Variants in JHY observed in about 807,000 individuals in gnomAD.
JHY encodes the protein junctional cadherin complex regulator.
Under a neutral mutation model 78.0 loss-of-function variants are expected in JHY, and 69 were observed. The ratio of observed to expected loss-of-function variants is 0.88; its 90% confidence interval spans 0.73 to 1.08. The LOEUF is 1.08. Among genes scored for constraint, JHY ranks in the 50% least tolerant of loss-of-function variants. JHY has a pLI of 0.00. For synonymous variants in JHY, 368 were observed against 342.6 expected, an observed-to-expected ratio of 1.07 and a Z score of -0.82; for missense variants, 944 against 927.8, an observed-to-expected ratio of 1.02 and a Z score of -0.23.
intron 2 of JHY, among the ~76,000 whole-genome samples, chr11:122,893,578 C>T (rs572297737): frequency 9.2e-5 from 14 of 152,218 alleles, no homozygotes; most frequent in African/African-American, 2.4e-4. Context: ...TGACCTACAA[C>T]GCTGTGAGTT....
intron 6 of JHY, among the ~76,000 whole-genome samples, 182 bp from the exon 7 acceptor site, chr11:122,956,314 A>G (rs1049131226): frequency 6.6e-6 from 1 of 152,198 alleles, no homozygotes; most frequent in Non-Finnish European, 1.5e-5. Context: ...CAAAGAGACT[A>G]TTACCAATAA....
chr11:122,887,065 G>A (rs1162532767), intron 2 of JHY, among the ~76,000 whole-genome samples: 1 of 152,214 alleles, frequency 6.6e-6, no homozygotes, highest in African/African-American at 2.4e-5. Flanking sequence ...GAAGGTAAAA[G>A]CTATTGATTA....
rs1863722359 is a variant in JHY, at chr11:122,934,958, T to G, written c.1517T>G (p.Leu506Arg). 2 of 1,613,994 alleles carry G rather than the reference T, an allele frequency of 1.2e-6. No homozygotes were observed. The highest frequency in any genetic ancestry group is 1.7e-5 in the Admixed American group (1 of 60,000). ...GAACTTTCTAAGAGACACGTGCTCC[T>G]GAGCCAGAAAGGCTCTCAGTTTGTT... The part of the protein sequence containing the change: ...LNELSKRHVL[L>R]SQKGSQFVYH... Residue 506 changes from leucine to arginine, a missense_variant, in exon 5 of 9, where the codon CTG becomes CGG. Coordinates refer to ENST00000227349, the MANE Select transcript of JHY (RefSeq NM_024806.4).
At position 122,940,828 on chromosome 11, in the gene JHY, C is replaced by T. The variant is rs574129226; in HGVS notation, c.1635-5670C>T. ...CTTTTCCTCTTCCTTTTTCTCCTTC[C>T]TTCCTTCCTTCCTTCCTTCTTTATC... On this transcript the variant is annotated intron_variant, in intron 5 of 8. Coordinates refer to ENST00000227349, the MANE Select transcript of JHY (RefSeq NM_024806.4). Among the ~76,000 whole-genome samples, 424 of 150,386 alleles carry T rather than the reference C, an allele frequency of 2.8e-3. 1 individual carries two copies. Among genetic ancestry groups the T allele is most frequent in the African/African-American group, 9.8e-3 (402 of 40,844 alleles).
intron 2 of JHY, among the ~76,000 whole-genome samples, chr11:122,901,584 T>A (rs11218883): frequency 6.3e-5 from 8 of 126,280 alleles, no homozygotes; most frequent in Non-Finnish European, 9.3e-5. Context: ...TATTAAAAAA[T>A]TTTTTTTGGC....
rs775206867 is a variant in JHY, at chr11:122,904,420, A to G, written c.840A>G (p.Lys280=). ...CTTATCTTCAACTTCACAATAAAAAAAGAGGGGAATCTCATCCAGAACAGG... is the reference window on the plus strand; with the variant it reads ...CTTATCTTCAACTTCACAATAAAAAGAGAGGGGAATCTCATCCAGAACAGG... The part of the protein sequence containing the change: ...TDSYLQLHNK[K]RGESHPEQIS... The change falls in exon 3 of 9, where the codon AAA becomes AAG. Residue 280 remains lysine (K), a synonymous_variant. Coordinates refer to ENST00000227349, the MANE Select transcript of JHY (RefSeq NM_024806.4). The G allele has an allele frequency of 2.5e-6, 4 of 1,613,420 alleles. No individual in the cohort carries two copies. The highest frequency in any genetic ancestry group is 3.3e-5 in the Admixed American group (2 of 59,940).
intron 5 of JHY, among the ~76,000 whole-genome samples, chr11:122,945,271 T>C (rs1255279014): frequency 6.6e-6 from 1 of 152,244 alleles, no homozygotes; most frequent in Non-Finnish European, 1.5e-5. Context: ...TGCTCTTTAA[T>C]GTATCCACTG....
At chr11:122,938,123 A>G (rs561727179) in intron 5 of JHY, among the ~76,000 whole-genome samples, 9 of 151,938 alleles carry the variant, frequency 5.9e-5, no homozygotes, top group Middle Eastern at 3.4e-3. Context: ...GTCTGTTTTC[A>G]TAGATTGAGC....
At chr11:122,889,576 T>C (rs2135282216) in intron 2 of JHY, among the ~76,000 whole-genome samples, 1 of 152,302 alleles carries the variant, frequency 6.6e-6, no homozygotes, top group East Asian at 1.9e-4. Context: ...TAAAAGGGAC[T>C]TTCCCATCCC....
At chr11:122,902,876 A>T (rs1407113974) in intron 2 of JHY, among the ~76,000 whole-genome samples, 1 of 152,242 alleles carries the variant, frequency 6.6e-6, no homozygotes, top group Non-Finnish European at 1.5e-5. Context: ...ACAGTTCGAC[A>T]TGAGATTTGG....
chr11:122,928,698 G>A (rs1263837422), intron 4 of JHY, among the ~76,000 whole-genome samples: 1 of 152,166 alleles, frequency 6.6e-6, no homozygotes, highest in Non-Finnish European at 1.5e-5. Flanking sequence ...GCCCAGGCTG[G>A]AGTGCAGTGG....
At chr11:122,949,787 C>T (rs142036627) in intron 6 of JHY, among the ~76,000 whole-genome samples, 118 of 152,056 alleles carry the variant, frequency 7.8e-4, no homozygotes, top group African/African-American at 2.5e-3. Context: ...GGAGAATCCC[C>T]GGTTCCACTG....
At chr11:122,950,668 C>T (rs1360127320) in intron 6 of JHY, among the ~76,000 whole-genome samples, 1 of 152,204 alleles carries the variant, frequency 6.6e-6, no homozygotes, top group African/African-American at 2.4e-5. Flanking sequence ...ATTAAAACTA[C>T]AGCTTAGTCC....
At chr11:122,895,587 A>G (rs1212424800) in intron 2 of JHY, among the ~76,000 whole-genome samples, 1 of 152,210 alleles carries the variant, frequency 6.6e-6, no homozygotes. Context: ...TGGCATATGC[A>G]TGTGAAACCG....
intron 3 of JHY, among the ~76,000 whole-genome samples, chr11:122,914,343 A>G (rs900438971): frequency 6.6e-6 from 1 of 152,042 alleles, no homozygotes; most frequent in Non-Finnish European, 1.5e-5. Flanking sequence ...TATTTAAGTT[A>G]TGGTCATTTT....
intron 3 of JHY, among the ~76,000 whole-genome samples, chr11:122,912,975 C>T (rs1414955389): frequency 6.6e-6 from 1 of 152,042 alleles, no homozygotes; most frequent in South Asian, 2.1e-4. Context: ...AAGATTCCAC[C>T]CAGGGAAGAG....
At chr11:122,899,010 T>C (rs3107625) in intron 2 of JHY, among the ~76,000 whole-genome samples, 145,422 of 152,086 alleles carry the variant, frequency 0.96, 69,569 homozygotes, top group Middle Eastern at 0.99. Flanking sequence ...TAGTTCTGAG[T>C]CACGCCAGCA....
chr11:122,919,538 C>T (rs191774185), intron 3 of JHY, among the ~76,000 whole-genome samples: 5 of 152,098 alleles, frequency 3.3e-5, no homozygotes, highest in South Asian at 2.1e-4. Flanking sequence ...GACAGGAACC[C>T]GAGGCCACAG....
At chr11:122,953,389 G>T (rs185750274) in intron 6 of JHY, among the ~76,000 whole-genome samples, 7 of 152,004 alleles carry the variant, frequency 4.6e-5, no homozygotes, top group Non-Finnish European at 1.0e-4. Context: ...GATCACCTGA[G>T]GTCAGGAGTT....
Sources: allele counts gnomAD v4.1 joint callset (sites outside exome capture counted in the v4.1 genomes callset), GRCh38; gene constraint gnomAD v4.1.1; transcripts MANE v1.5; gene names NCBI Gene and HGNC (gene_info 2026-07-23, HGNC 2026-07-21).